Variants in SUGCT observed in about 807,000 individuals in gnomAD.
SUGCT encodes the protein succinyl-CoA:glutarate CoA-transferase.
A neutral mutation model predicts 55.0 loss-of-function variants in SUGCT; 41 were observed. The ratio of observed to expected loss-of-function variants is 0.74; its 90% CI spans 0.58 to 0.97. The LOEUF is 0.97. Among genes scored for constraint, SUGCT ranks in the 50% least tolerant of loss-of-function variants. The probability of loss-of-function intolerance (pLI) is 0.00; values close to 1 mark genes in which losing one functional copy is unlikely to be tolerated. For missense variants in SUGCT, 568 were observed against 547.8 expected, an observed-to-expected ratio of 1.04 and a Z score of -0.37; for synonymous variants, 187 against 200.4, an observed-to-expected ratio of 0.93 and a Z score of 0.56.
At chr7:40,482,310 A>G (rs1237303508) in intron 11 of SUGCT, among the ~76,000 whole-genome samples, 2 of 152,200 alleles carry the variant, frequency 1.3e-5, no homozygotes, top group Non-Finnish European at 2.9e-5. Context: ...TGGTTACAAA[A>G]CATTATGATC....
intron 12 of SUGCT, among the ~76,000 whole-genome samples, chr7:40,709,444 A>G (rs1785588947): frequency 6.6e-6 from 1 of 152,224 alleles, no homozygotes; most frequent in Admixed American, 6.5e-5. Flanking sequence ...ATCTACAAGG[A>G]TATGGTCTTA....
chr7:40,614,591 T>A (rs1029567925), intron 12 of SUGCT, among the ~76,000 whole-genome samples: 3 of 152,140 alleles, frequency 2.0e-5, no homozygotes, highest in African/African-American at 7.2e-5. Context: ...TGTTTTTTTT[T>A]AAAGATTAAT....
intron 12 of SUGCT, among the ~76,000 whole-genome samples, chr7:40,509,741 G>GT (rs200438390): frequency 0.019 from 2,869 of 152,198 alleles, 94 homozygotes; most frequent in African/African-American, 0.064. Context: ...GAGTAAAAAA[G>GT]TTAATCATGT....
At chr7:40,524,830 A>G (rs1032449285) in intron 12 of SUGCT, among the ~76,000 whole-genome samples, 3 of 152,130 alleles carry the variant, frequency 2.0e-5, no homozygotes, top group African/African-American at 7.2e-5. Flanking sequence ...AGGAATTCCT[A>G]TTCTTTCAGC....
At chr7:40,862,144 A>T (rs1794499636), downstream of SUGCT, among the ~76,000 whole-genome samples, 1 of 152,358 alleles carries the variant, frequency 6.6e-6, no homozygotes, top group East Asian at 1.9e-4. Flanking sequence ...CTGGCTAAAC[A>T]TACGTAGGAT....
chr7:40,831,387 G>A (rs1420691716), intron 13 of SUGCT, among the ~76,000 whole-genome samples: 1 of 152,172 alleles, frequency 6.6e-6, no homozygotes, highest in Non-Finnish European at 1.5e-5. Flanking sequence ...CCCAGAAGTT[G>A]GATATAAGAA....
chr7:40,762,802 A>G (rs1253943625), intron 13 of SUGCT, among the ~76,000 whole-genome samples: 1 of 151,768 alleles, frequency 6.6e-6, no homozygotes, highest in East Asian at 1.9e-4. Context: ...AAGAAGCATA[A>G]AACAACTCTC....
chr7:40,135,820 C>A (rs1202321351), intron 1 of SUGCT, among the ~76,000 whole-genome samples: 4 of 152,116 alleles, frequency 2.6e-5, no homozygotes, highest in African/African-American at 7.2e-5. Flanking sequence ...CCACGCCCAA[C>A]TAATTTTTGT....
intron 9 of SUGCT, among the ~76,000 whole-genome samples, chr7:40,435,932 TTTC>T (rs1428946546): frequency 8.0e-6 from 1 of 124,576 alleles, no homozygotes; most frequent in Non-Finnish European, 1.6e-5. Flanking sequence ...ACTGCTTTCT[TTTC>T]TTTTCTTTTC....
chr7:40,182,178 T>G (rs1205271506), intron 3 of SUGCT, 150 bp downstream of exon 3: 1 of 601,192 alleles, frequency 1.7e-6, no homozygotes, highest in East Asian at 2.8e-5. Context: ...TTTCTTGTTT[T>G]CCTGTGAACT....
intron 9 of SUGCT, among the ~76,000 whole-genome samples, chr7:40,406,251 C>T (rs1374586748): frequency 2.0e-5 from 3 of 152,072 alleles, no homozygotes; most frequent in Non-Finnish European, 2.9e-5. Context: ...CTGAGAAATA[C>T]CTCCAATACC....
At chr7:40,690,196 C>T (rs141235094) in intron 12 of SUGCT, among the ~76,000 whole-genome samples, 49 of 152,226 alleles carry the variant, frequency 3.2e-4, no homozygotes, top group African/African-American at 1.1e-3. Context: ...AGATGGTAAA[C>T]ATAATGGTTA....
chr7:40,823,271 C>A (rs753615389), intron 13 of SUGCT, among the ~76,000 whole-genome samples: 6 of 152,124 alleles, frequency 3.9e-5, no homozygotes, highest in Admixed American at 6.5e-5. Flanking sequence ...TAAAAGGTCA[C>A]TCCGATTTCT....
chr7:40,938,415 T>C, the SUGCT span, among the ~76,000 whole-genome samples: 10 of 152,096 alleles, frequency 6.6e-5, no homozygotes, highest in Non-Finnish European at 1.5e-5. Flanking sequence ...GTGGTTGCCC[T>C]GAAGATTACA....
chr7:40,929,517 A>G, the SUGCT span, among the ~76,000 whole-genome samples: 1 of 152,290 alleles, frequency 6.6e-6, no homozygotes, highest in African/African-American at 2.4e-5. Context: ...CCACAATGGT[A>G]GAACTAATTT....
At chr7:40,516,495 G>C (rs934686588) in intron 12 of SUGCT, among the ~76,000 whole-genome samples, 3 of 152,028 alleles carry the variant, frequency 2.0e-5, no homozygotes, top group African/African-American at 7.2e-5. Context: ...CAAGTCTCTA[G>C]TCCATTTTGA....
intron 11 of SUGCT, among the ~76,000 whole-genome samples, chr7:40,488,815 G>A (rs1431528600): frequency 6.6e-6 from 1 of 152,108 alleles, no homozygotes; most frequent in Non-Finnish European, 1.5e-5. Context: ...AAATGTTTCT[G>A]TTGAGAAATC....
At chr7:40,462,103 A>T (rs1789835804) in intron 11 of SUGCT, among the ~76,000 whole-genome samples, 1 of 152,238 alleles carries the variant, frequency 6.6e-6, no homozygotes, top group Admixed American at 6.5e-5. Flanking sequence ...GTATCCATGA[A>T]AAATAATACA....
chr7:41,026,529 T>G, the SUGCT span, among the ~76,000 whole-genome samples: 1 of 152,232 alleles, frequency 6.6e-6, no homozygotes, highest in African/African-American at 2.4e-5. Flanking sequence ...CTATTTATAT[T>G]CAGTGAAACT....
Sources: gnomAD v4.1 joint callset for allele counts (sites outside exome capture counted in the v4.1 genomes callset) on GRCh38, gnomAD v4.1.1 for gene constraint, MANE v1.5 for transcripts, NCBI Gene and HGNC (gene_info 2026-07-23, HGNC 2026-07-21) for gene names.